Variants in OOEP observed in about 807,000 individuals in gnomAD.
OOEP encodes oocyte-expressed protein homolog.
Under a neutral mutation model 13.7 loss-of-function variants are expected in OOEP, and 16 were observed. That is an observed-to-expected ratio of 1.16 (90% CI 0.79 to 1.77). The LOEUF (loss-of-function observed/expected upper bound fraction) is 1.77, where lower values mean the gene tolerates loss of function less well. Ranked by LOEUF, OOEP falls within the 40% of genes most tolerant of loss-of-function variation. The probability of loss-of-function intolerance (pLI) is 0.00; values close to 1 mark genes in which losing one functional copy is unlikely to be tolerated. For synonymous variants in OOEP, 89 were observed against 77.1 expected (o/e 1.15, Z -0.81); for missense variants, 195 against 193.1 (o/e 1.01, Z -0.06).
intron 2 of OOEP, among the ~76,000 whole-genome samples, chr6:73,377,684 C>A (rs1769154201): frequency 6.6e-6 from 1 of 152,108 alleles, no homozygotes; most frequent in Admixed American, 6.6e-5. Context: ...TTCATTCATT[C>A]ATTGACAGAG....
Position 73,369,371 on chromosome 6 carries a change from T to G in OOEP, c.205A>C (p.Ile69Leu), listed in dbSNP as rs758538325. The G allele has an allele frequency of 6.2e-7, 1 of 1,612,360 alleles. No individual in the cohort carries two copies. The highest frequency in any genetic ancestry group is 8.5e-7 in the Non-Finnish European group (1 of 1,179,234). Residue 69 changes from isoleucine to leucine, a missense_variant, in exon 2 of 3, where the codon ATA (isoleucine) becomes CTA (leucine). Physicochemically the swap from Ile to Leu is conservative, Grantham distance 5 (BLOSUM62 2). Coordinates refer to ENST00000370359, the MANE Select transcript of OOEP (RefSeq NM_001080507.3). ...ADELFGPDRAIIPEMEWTSQA... is the reference protein window; with the variant it reads ...ADELFGPDRALIPEMEWTSQA... ...CTCGTCCACTCCATTTCTGGAATTA[T>G]GGCTCGGTCTGGGCCTAAACAAGTA...
chr6:73,370,773 GT>G, upstream of OOEP, among the ~76,000 whole-genome samples: 1 of 152,186 alleles, frequency 6.6e-6, no homozygotes, highest in African/African-American at 2.4e-5. Context: ...AATTAACTAT[GT>G]GTTTGTTTTA....
chr6:73,394,450 G>C, exon 2 of OOEP: 1 of 700,446 alleles, frequency 1.4e-6, no homozygotes, highest in Non-Finnish European at 2.6e-6. Context: ...GAAGCCAAGA[G>C]TTCAAGACCT....
upstream of OOEP, chr6:73,373,072 C>T (rs944449658): frequency 6.6e-7 from 1 of 1,519,566 alleles, no homozygotes; most frequent in African/African-American, 1.4e-5. Flanking sequence ...GACCTTCAGA[C>T]AGCATAAATA....
exon 1 of OOEP, chr6:73,395,014 C>G (rs147467609): frequency 6.2e-7 from 1 of 1,614,250 alleles, no homozygotes; most frequent in South Asian, 1.1e-5. Context: ...GGAGTTGAAT[C>G]GAACAGGTCC....
upstream of OOEP, chr6:73,369,928 G>C (rs1446391402): frequency 4.1e-6 from 3 of 730,518 alleles, no homozygotes; most frequent in Non-Finnish European, 6.7e-6. Context: ...GCACCGCGTC[G>C]GGGTGAGCGG....
exon 1 of OOEP, chr6:73,394,872 G>T (rs776751144): frequency 1.2e-5 from 19 of 1,608,378 alleles, no homozygotes; most frequent in Non-Finnish European, 1.4e-5. Flanking sequence ...AGAGCTGGAC[G>T]GCAACGACGT....
At chr6:73,393,397 G>T (rs1370517872) in intron 2 of OOEP, among the ~76,000 whole-genome samples, 1 of 152,186 alleles carries the variant, frequency 6.6e-6, no homozygotes, top group African/African-American at 2.4e-5. Context: ...GGCCTAAACT[G>T]AAATTTGTTC....
chr6:73,376,959 TTA>T (rs1769147495), intron 2 of OOEP, among the ~76,000 whole-genome samples: 1 of 152,198 alleles, frequency 6.6e-6, no homozygotes, highest in African/African-American at 2.4e-5. Flanking sequence ...GCCCATGATT[TTA>T]TTTCTCTCTT....
chr6:73,369,731 A>G lies in OOEP; in HGVS notation c.62T>C (p.Leu21Pro), dbSNP rs1321542843. 4.3e-6 allele frequency: 7 copies of G among 1,614,036 alleles called. No individual in the cohort carries two copies. The highest frequency in any genetic ancestry group is 1.7e-5 in the Admixed American group (1 of 60,032). The change falls in exon 1 of 3, where the codon CTG (leucine) becomes CCG (proline). Residue 21 changes from leucine (L) to proline (P), a missense_variant. Transcript: ENST00000370359. Reference protein sequence around the residue: ...QRGKQTPAHSLEQLRRLPLPP... With the variant: ...QRGKQTPAHSPEQLRRLPLPP... ...AAGTGGTAACCTACGCAGCTGCTCC[A>G]GGGAGTGGGCCGGAGTCTGTTTGCC...
At chr6:73,368,964 A>T in intron 2 of OOEP, 101 bp from the exon 3 acceptor site, 1 of 956,734 alleles carries the variant, frequency 1.0e-6, no homozygotes, top group East Asian at 2.5e-5. Flanking sequence ...AAGATCTGCG[A>T]TAGTGCTGTA....
intron 2 of OOEP, among the ~76,000 whole-genome samples, chr6:73,379,496 A>T (rs914958277): frequency 5.9e-5 from 9 of 151,598 alleles, no homozygotes; most frequent in African/African-American, 2.2e-4. Flanking sequence ...ATACAAAATT[A>T]GCCGGGCATG....
At chr6:73,395,006 A>G (rs1582632935) in exon 1 of OOEP, 1 of 1,614,176 alleles carries the variant, frequency 6.2e-7, no homozygotes, top group Non-Finnish European at 8.5e-7. Context: ...CCGGCGGAGG[A>G]GTTGAATCGA....
At chr6:73,390,269 CAG>C (rs1769329102) in intron 2 of OOEP, among the ~76,000 whole-genome samples, 1 of 152,178 alleles carries the variant, frequency 6.6e-6, no homozygotes, top group East Asian at 1.9e-4. Context: ...AAAAGCTTGA[CAG>C]ACACAAAATT....
At chr6:73,392,184 C>A (rs1769356008) in intron 2 of OOEP, among the ~76,000 whole-genome samples, 1 of 152,172 alleles carries the variant, frequency 6.6e-6, no homozygotes, top group Non-Finnish European at 1.5e-5. Context: ...ATGCAAAAAT[C>A]CTTAATAAAA....
intron 2 of OOEP, among the ~76,000 whole-genome samples, chr6:73,380,985 C>T (rs1232692141): frequency 6.6e-6 from 1 of 151,644 alleles, no homozygotes; most frequent in African/African-American, 2.4e-5. Context: ...CCTATCTCTA[C>T]TAAAAATAAT....
chr6:73,370,527 G>A (rs1228795860), upstream of OOEP, among the ~76,000 whole-genome samples: 1 of 152,108 alleles, frequency 6.6e-6, no homozygotes, highest in Non-Finnish European at 1.5e-5. Context: ...ACACGGCCAT[G>A]TACCCTCCCC....
At chr6:73,372,138 A>G (rs937998977), upstream of OOEP, among the ~76,000 whole-genome samples, 5 of 152,190 alleles carry the variant, frequency 3.3e-5, no homozygotes, top group African/African-American at 1.2e-4. Context: ...CCTTAATCTA[A>G]TCATGAGACG....
At chr6:73,370,894 A>T (rs1562276986), upstream of OOEP, among the ~76,000 whole-genome samples, 1 of 152,016 alleles carries the variant, frequency 6.6e-6, no homozygotes, top group Non-Finnish European at 1.5e-5. Flanking sequence ...CGACCCTCCC[A>T]TCTCAGCCTC....
Sources: gnomAD v4.1 joint callset for allele counts (sites outside exome capture counted in the v4.1 genomes callset) on GRCh38, gnomAD v4.1.1 for gene constraint, MANE v1.5 for transcripts, NCBI Gene and HGNC (gene_info 2026-07-23, HGNC 2026-07-21) for gene names.